Variants in ERBB4 observed in about 807,000 individuals in gnomAD.
The protein encoded by ERBB4 is receptor tyrosine-protein kinase erbB-4.
In ERBB4, 42 loss-of-function variants were observed where a neutral mutation model predicts 158.0. The observed-to-expected ratio is 0.27, with a 90% CI of 0.21 to 0.34. ERBB4 has a LOEUF of 0.34. Ranked by LOEUF, ERBB4 falls within the 10% of genes least tolerant of loss-of-function variation. ERBB4 has a pLI of 1.00. For missense variants in ERBB4, 1,333 were observed against 1,624.1 expected, an observed-to-expected ratio of 0.82 and a Z score of 3.08; for synonymous variants, 583 against 558.7, an observed-to-expected ratio of 1.04 and a Z score of -0.61.
At chr2:211,580,441 A>G (rs1400956376) in intron 19 of ERBB4, among the ~76,000 whole-genome samples, 4 of 152,074 alleles carry the variant, frequency 2.6e-5, no homozygotes, top group Non-Finnish European at 5.9e-5. Flanking sequence ...CAAAAGCACA[A>G]TGAGATACCA....
chr2:211,504,508 C>T (rs540836670), intron 20 of ERBB4, among the ~76,000 whole-genome samples: 1 of 151,756 alleles, frequency 6.6e-6, no homozygotes, highest in South Asian at 2.1e-4. Flanking sequence ...ACAGTTTCTA[C>T]AGATGATAAG....
At chr2:212,301,852 C>T (rs2086635904) in intron 1 of ERBB4, among the ~76,000 whole-genome samples, 3 of 151,392 alleles carry the variant, frequency 2.0e-5, no homozygotes, top group Middle Eastern at 6.8e-3. Context: ...TGAAAAATAA[C>T]ATCACATCTT....
At chr2:212,241,406 A>G (rs1321310638) in intron 1 of ERBB4, among the ~76,000 whole-genome samples, 1 of 152,238 alleles carries the variant, frequency 6.6e-6, no homozygotes, top group African/African-American at 2.4e-5. Context: ...AATTGTATAA[A>G]GCATGTATAT....
At chr2:211,500,272 T>C (rs1421897125) in intron 20 of ERBB4, among the ~76,000 whole-genome samples, 3 of 152,128 alleles carry the variant, frequency 2.0e-5, no homozygotes, top group Non-Finnish European at 4.4e-5. Flanking sequence ...TGACACAATA[T>C]AGCCACTGGA....
intron 2 of ERBB4, among the ~76,000 whole-genome samples, chr2:212,046,391 C>A (rs2077262250): frequency 6.6e-6 from 1 of 152,112 alleles, no homozygotes; most frequent in Non-Finnish European, 1.5e-5. Context: ...TCTGACCCTA[C>A]CCACTATGCA....
chr2:212,515,535 A>T (rs986541007), intron 1 of ERBB4, among the ~76,000 whole-genome samples: 1 of 152,066 alleles, frequency 6.6e-6, no homozygotes, highest in South Asian at 2.1e-4. Flanking sequence ...TAAATTAAAG[A>T]TAACCCTCAG....
chr2:212,242,789 T>A (rs1385751821), intron 1 of ERBB4, among the ~76,000 whole-genome samples: 1 of 152,222 alleles, frequency 6.6e-6, no homozygotes, highest in African/African-American at 2.4e-5. Context: ...ATTGTGGCAC[T>A]ACAATTTGGA....
At chr2:212,192,080 ATT>A (rs1559708398) in intron 1 of ERBB4, among the ~76,000 whole-genome samples, 3 of 100,436 alleles carry the variant, frequency 3.0e-5, no homozygotes, top group South Asian at 4.5e-4. Context: ...TGTTATATAT[ATT>A]ATATATATTA....
At chr2:212,510,460 C>G (rs959302032) in intron 1 of ERBB4, among the ~76,000 whole-genome samples, 1 of 151,772 alleles carries the variant, frequency 6.6e-6, no homozygotes, top group Non-Finnish European at 1.5e-5. Context: ...TCACATCCCA[C>G]TTTTCTGTTT....
At chr2:212,154,383 T>C (rs2080969542) in intron 1 of ERBB4, among the ~76,000 whole-genome samples, 1 of 152,068 alleles carries the variant, frequency 6.6e-6, no homozygotes, top group Non-Finnish European at 1.5e-5. Context: ...TATCTACAAA[T>C]GGCACACACA....
chr2:211,612,100 C>A (rs928967587), intron 19 of ERBB4, among the ~76,000 whole-genome samples: 1 of 151,850 alleles, frequency 6.6e-6, no homozygotes, highest in African/African-American at 2.4e-5. Context: ...TATATGAGCA[C>A]TATAAATACC....
intron 2 of ERBB4, among the ~76,000 whole-genome samples, chr2:212,110,579 T>A (rs1186059966): frequency 6.6e-6 from 1 of 152,224 alleles, no homozygotes; most frequent in Non-Finnish European, 1.5e-5. Context: ...CGAAGTCCAC[T>A]GATATCTAAG....
intron 1 of ERBB4, among the ~76,000 whole-genome samples, chr2:212,193,267 C>T (rs73075203): frequency 0.19 from 29,002 of 152,088 alleles, 3,069 homozygotes; most frequent in Non-Finnish European, 0.22. Context: ...GCATTGCCCC[C>T]ACTTTTCCAT....
intron 2 of ERBB4, among the ~76,000 whole-genome samples, chr2:212,108,652 A>G (rs902777713): frequency 6.6e-6 from 1 of 151,320 alleles, no homozygotes; most frequent in Non-Finnish European, 1.5e-5. Context: ...AGTACATTCA[A>G]CTATTCCCAA....
intron 20 of ERBB4, among the ~76,000 whole-genome samples, chr2:211,554,045 T>C (rs893281174): frequency 6.6e-6 from 1 of 152,230 alleles, no homozygotes; most frequent in Admixed American, 6.5e-5. Flanking sequence ...TTTTCTCTTA[T>C]GGAATTAATG....
intron 3 of ERBB4, among the ~76,000 whole-genome samples, chr2:211,869,153 T>A (rs2106107885): frequency 6.6e-6 from 1 of 152,290 alleles, no homozygotes; most frequent in East Asian, 1.9e-4. Context: ...ATGGCTTCAA[T>A]CCTGCCAAGA....
chr2:212,279,243 T>C (rs1270105654), intron 1 of ERBB4, among the ~76,000 whole-genome samples: 1 of 151,252 alleles, frequency 6.6e-6, no homozygotes, highest in Non-Finnish European at 1.5e-5. Flanking sequence ...AATTAAAAGG[T>C]GCATAAAATA....
chr2:211,886,799 G>A (rs930802208), intron 3 of ERBB4, among the ~76,000 whole-genome samples: 1 of 152,090 alleles, frequency 6.6e-6, no homozygotes, highest in Non-Finnish European at 1.5e-5. Context: ...CCTATTACTT[G>A]TATGGGCTCA....
At chr2:212,379,899 A>G (rs754812779) in intron 1 of ERBB4, among the ~76,000 whole-genome samples, 2 of 151,232 alleles carry the variant, frequency 1.3e-5, no homozygotes, top group Admixed American at 6.6e-5. Flanking sequence ...AAAACATTGT[A>G]AGCATTTTTA....
Sources: allele counts gnomAD v4.1 joint callset (sites outside exome capture counted in the v4.1 genomes callset), GRCh38; gene constraint gnomAD v4.1.1; transcripts MANE v1.5; gene names NCBI Gene and HGNC (gene_info 2026-07-23, HGNC 2026-07-21).